GPR158: variants seen among roughly 807,000 people sequenced by gnomAD.
GPR158 encodes metabotropic glycine receptor.
A neutral mutation model predicts 78.2 loss-of-function variants in GPR158; 30 were observed. The ratio of observed to expected loss-of-function variants is 0.38; its 90% CI spans 0.29 to 0.52. The LOEUF is 0.52. GPR158 is among the 20% of genes least tolerant of loss of function. The pLI, the probability that GPR158 is intolerant of heterozygous loss-of-function variation, is 0.83. For missense variants in GPR158, 1,463 were observed against 1,523.5 expected, an observed-to-expected ratio of 0.96 and a Z score of 0.66; for synonymous variants, 581 against 591.1, an observed-to-expected ratio of 0.98 and a Z score of 0.25.
Position 25,596,775 on chromosome 10 carries a change from C to A in GPR158, c.2131C>A (p.Pro711Thr). 6.2e-7 allele frequency: 1 copy of A among 1,613,328 alleles called. No homozygotes were observed. The highest frequency in any genetic ancestry group is 8.5e-7 in the Non-Finnish European group (1 of 1,179,556). Residue 711 changes from proline to threonine, a missense_variant, in exon 10 of 11, where the codon CCA becomes ACA. Transcript: ENST00000376351. ...NSAWSEHSLD[P>T]EDIRDELKKL... is the part of the protein sequence containing the mutation. The stretch of plus-strand genomic sequence containing the variant: ...AGCCTGGAGTGAGCACAGCTTGGAT[C>A]CAGAGGACATTCGGGTAATGCCAGT...
chr10:25,200,627 A>G (rs1852909746), intron 1 of GPR158, among the ~76,000 whole-genome samples: 1 of 152,030 alleles, frequency 6.6e-6, no homozygotes, highest in African/African-American at 2.4e-5. Context: ...GGGTTTTTAT[A>G]GTCTTAGGTT....
chr10:25,520,908 C>T lies in GPR158; in HGVS notation c.1405-30068C>T, dbSNP rs377567125. On this transcript the variant is annotated intron_variant, in intron 5 of 10. Coordinates refer to ENST00000376351, the MANE Select transcript of GPR158 (RefSeq NM_020752.3). ...TGGGCTCCGCCCAGTTGGAGCTTCC[C>T]GGCTTCTTTGTTTACCTAAGCAAGC... Among the ~76,000 whole-genome samples, 477 of 152,288 alleles carry T rather than the reference C, an allele frequency of 3.1e-3. 2 individuals are homozygous for T. Among genetic ancestry groups the T allele is most frequent in the African/African-American group, 0.01 (419 of 41,576 alleles).
intron 2 of GPR158, among the ~76,000 whole-genome samples, chr10:25,330,764 A>G (rs1268068185): frequency 1.3e-5 from 2 of 152,104 alleles, no homozygotes; most frequent in Admixed American, 6.6e-5. Flanking sequence ...AGGATTTTAG[A>G]AAAAAACACC....
At chr10:25,316,595 T>A (rs890014438) in intron 2 of GPR158, among the ~76,000 whole-genome samples, 2 of 152,230 alleles carry the variant, frequency 1.3e-5, no homozygotes, top group African/African-American at 2.4e-5. Flanking sequence ...TGTTTGCTTT[T>A]TTAAAATCAC....
At chr10:25,422,858 C>CCG (rs946244005) in intron 4 of GPR158, among the ~76,000 whole-genome samples, 3 of 142,054 alleles carry the variant, frequency 2.1e-5, no homozygotes, top group Non-Finnish European at 4.5e-5. Context: ...TTACCCCCCC[C>CCG]ACACTTTCCC....
chr10:25,522,584 T>C (rs1473227006), intron 5 of GPR158, among the ~76,000 whole-genome samples: 1 of 152,222 alleles, frequency 6.6e-6, no homozygotes, highest in African/African-American at 2.4e-5. Context: ...ATTTATGTAA[T>C]TGAATTCACT....
intron 2 of GPR158, among the ~76,000 whole-genome samples, chr10:25,233,012 C>T (rs1421494482): frequency 3.3e-5 from 5 of 152,036 alleles, no homozygotes; most frequent in Admixed American, 3.3e-4. Flanking sequence ...AAACAAACTG[C>T]AAATGGAGAA....
At chr10:25,317,946 C>T (rs927675641) in intron 2 of GPR158, among the ~76,000 whole-genome samples, 1 of 152,068 alleles carries the variant, frequency 6.6e-6, no homozygotes, top group Non-Finnish European at 1.5e-5. Flanking sequence ...CCAGGATGGT[C>T]TCAACCTCCT....
At chr10:25,301,480 G>C (rs1854593178) in intron 2 of GPR158, among the ~76,000 whole-genome samples, 1 of 152,148 alleles carries the variant, frequency 6.6e-6, no homozygotes, top group Admixed American at 6.5e-5. Flanking sequence ...AAAAGGGATA[G>C]AGTAAGTTAA....
rs190447797 is a variant in GPR158 at position 25,562,282 on chromosome 10, C to T, written c.1515-10367C>T. Among the ~76,000 whole-genome samples the T allele has an allele frequency of 3.4e-3, 520 of 151,728 alleles. 1 individual carries two copies. Among genetic ancestry groups the T allele is most frequent in the African/African-American group, 0.011 (439 of 41,372 alleles). On this transcript the variant is annotated intron_variant, in intron 6 of 10. Coordinates refer to ENST00000376351, the MANE Select transcript of GPR158 (RefSeq NM_020752.3). The stretch of plus-strand genomic sequence containing the variant: ...GTTTTTAATTGTGTCTGCTGTTTTT[C>T]GACTCTATATTTCAATTATTTTCAC...
intron 8 of GPR158, among the ~76,000 whole-genome samples, chr10:25,592,140 T>C (rs1169397945): frequency 6.6e-6 from 1 of 152,068 alleles, no homozygotes; most frequent in East Asian, 1.9e-4. Context: ...TCTATCAATA[T>C]AGCATGTGTT....
chr10:25,199,834 T>C (rs1588730830), intron 1 of GPR158, among the ~76,000 whole-genome samples: 1 of 152,254 alleles, frequency 6.6e-6, no homozygotes, highest in East Asian at 1.9e-4. Context: ...TATTTCTTTA[T>C]AACAGTGTGA....
chr10:25,589,643 A>G (rs542976059), intron 8 of GPR158, among the ~76,000 whole-genome samples: 2 of 152,314 alleles, frequency 1.3e-5, no homozygotes, highest in African/African-American at 4.8e-5. Context: ...ATCATGTGCA[A>G]TGGGCTTTGG....
intron 3 of GPR158, among the ~76,000 whole-genome samples, chr10:25,403,121 T>C (rs1834468295): frequency 6.6e-6 from 1 of 151,988 alleles, no homozygotes; most frequent in African/African-American, 2.4e-5. Flanking sequence ...ATAATTTTAA[T>C]AGTTACATAG....
intron 2 of GPR158, among the ~76,000 whole-genome samples, chr10:25,323,164 C>T (rs1854979702): frequency 1.3e-5 from 2 of 152,064 alleles, no homozygotes; most frequent in African/African-American, 4.8e-5. Flanking sequence ...CAAGTCTTAA[C>T]AGTGAGCTTA....
At position 25,599,070 on chromosome 10, in the gene GPR158, G is replaced by T. The variant is rs199918094; in HGVS notation, c.3444G>T (p.Glu1148Asp). Residue 1148 changes from glutamate (E) to aspartate (D), a missense_variant, in exon 11 of 11, where the codon GAG (glutamate) becomes GAT (aspartate). Physicochemically the swap from Glu to Asp is conservative, Grantham distance 45 (BLOSUM62 2). Coordinates refer to ENST00000376351, the MANE Select transcript of GPR158 (RefSeq NM_020752.3). The part of the protein sequence containing the change: ...GHQEKKTSSS[E>D]ENVRGSYNSS... Reference sequence around the variant, plus strand: ...AGGAAAAAAAGACATCTTCTTCTGAGGAGAATGTGCGTGGCTCCTATAACT... The same window carrying T: ...AGGAAAAAAAGACATCTTCTTCTGATGAGAATGTGCGTGGCTCCTATAACT... The T allele has an allele frequency of 1.9e-5, 30 of 1,613,608 alleles. No individual in the cohort carries two copies. In the East Asian group the frequency reaches 6.7e-4, roughly 36 times the overall value.
intron 3 of GPR158, among the ~76,000 whole-genome samples, chr10:25,407,855 C>T (rs1301961640): frequency 2.0e-5 from 3 of 152,170 alleles, no homozygotes; most frequent in Non-Finnish European, 4.4e-5. Flanking sequence ...ATAGTATGTT[C>T]TCTATACAAC....
At chr10:25,431,654 A>T (rs1834908090) in intron 4 of GPR158, among the ~76,000 whole-genome samples, 1 of 148,040 alleles carries the variant, frequency 6.8e-6, no homozygotes, top group African/African-American at 2.5e-5. Flanking sequence ...TGTGGCACAT[A>T]TACACCATGG....
rs777520542 is a variant in GPR158 at position 25,597,902 on chromosome 10, C to T, written c.2276C>T (p.Thr759Met). The T allele has an allele frequency of 5.6e-6, 9 of 1,610,216 alleles. No individual in the cohort carries two copies. The highest frequency in any genetic ancestry group is 2.7e-5 in the African/African-American group (2 of 74,728). The part of the protein sequence containing the change: ...GLGRSIMRRI[T>M]EIPETVSRQC... ...GGTCGTTCCATCATGAGACGCATTA[C>T]GGAGATCCCAGAGACAGTCAGCCGG... Residue 759 changes from threonine (T) to methionine (M), a missense_variant, in exon 11 of 11, where the codon ACG becomes ATG. By Grantham distance (81) the Thr-to-Met change is moderately conservative. Coordinates refer to ENST00000376351, the MANE Select transcript of GPR158 (RefSeq NM_020752.3).
Sources: allele counts gnomAD v4.1 joint callset (sites outside exome capture counted in the v4.1 genomes callset), GRCh38; gene constraint gnomAD v4.1.1; transcripts MANE v1.5; gene names NCBI Gene and HGNC (gene_info 2026-07-23, HGNC 2026-07-21).